The following GPC6 variants were observed in gnomAD, a reference collection of about 807,000 sequenced individuals.
GPC6 encodes the protein glypican 6.
A neutral mutation model predicts 55.2 loss-of-function variants in GPC6; 14 were observed. The observed-to-expected ratio is 0.25, with a 90% CI of 0.17 to 0.40. The LOEUF is 0.40. GPC6 is among the 10% of genes least tolerant of loss of function. The pLI, the probability that GPC6 is intolerant of heterozygous loss-of-function variation, is 1.00. For synonymous variants in GPC6, 278 were observed against 259.6 expected (o/e 1.07, Z -0.68); for missense variants, 641 against 708.5 (o/e 0.90, Z 1.08).
At chr13:93,335,866 G>A (rs942424609) in intron 1 of GPC6, among the ~76,000 whole-genome samples, 2 of 152,252 alleles carry the variant, frequency 1.3e-5, no homozygotes, top group African/African-American at 4.8e-5. Flanking sequence ...TTACTTATCA[G>A]CAAACAAATC....
intron 6 of GPC6, among the ~76,000 whole-genome samples, chr13:94,320,983 A>G (rs1379364962): frequency 1.3e-5 from 2 of 152,178 alleles, no homozygotes; most frequent in Non-Finnish European, 2.9e-5. Context: ...TGCATGTCAC[A>G]AAGGTTTAGT....
intron 1 of GPC6, among the ~76,000 whole-genome samples, chr13:93,276,497 T>A (rs9556275): frequency 0.051 from 3,273 of 63,908 alleles, 24 homozygotes; most frequent in Admixed American, 0.11. Context: ...AGAGAGAGAG[T>A]GTGTGTGTGT....
intron 2 of GPC6, among the ~76,000 whole-genome samples, chr13:93,761,097 A>G (rs1884938684): frequency 6.6e-6 from 1 of 152,156 alleles, no homozygotes; most frequent in African/African-American, 2.4e-5. Context: ...ATTTTCATTA[A>G]CCTTTTTTTC....
intron 6 of GPC6, among the ~76,000 whole-genome samples, chr13:94,354,454 GATAAA>G (rs951202072): frequency 2.0e-4 from 30 of 152,248 alleles, no homozygotes; most frequent in Non-Finnish European, 3.8e-4. Flanking sequence ...ATGAGATACT[GATAAA>G]ATAAAGTGCT....
intron 2 of GPC6, among the ~76,000 whole-genome samples, chr13:93,558,761 C>T (rs1049425010): frequency 6.6e-6 from 1 of 152,132 alleles, no homozygotes; most frequent in Non-Finnish European, 1.5e-5. Flanking sequence ...CCCTGTTGAA[C>T]AACGACTAAC....
chr13:93,902,236 G>A (rs1876401224), intron 3 of GPC6, among the ~76,000 whole-genome samples: 1 of 151,776 alleles, frequency 6.6e-6, no homozygotes, highest in Non-Finnish European at 1.5e-5. Flanking sequence ...CCCCTCCTCA[G>A]CCTCTGTTCT....
At chr13:94,236,266 T>A (rs2139019365) in intron 4 of GPC6, among the ~76,000 whole-genome samples, 2 of 152,276 alleles carry the variant, frequency 1.3e-5, no homozygotes, top group South Asian at 4.1e-4. Context: ...TCTGAGAGAT[T>A]AGTTGACGGA....
At chr13:94,226,598 C>T (rs1890566544) in intron 4 of GPC6, among the ~76,000 whole-genome samples, 1 of 152,102 alleles carries the variant, frequency 6.6e-6, no homozygotes, top group Admixed American at 6.6e-5. Context: ...CTTCATTCAG[C>T]TATTGAATTC....
chr13:94,199,267 A>G (rs1480209852), intron 4 of GPC6, among the ~76,000 whole-genome samples: 1 of 152,216 alleles, frequency 6.6e-6, no homozygotes, highest in Non-Finnish European at 1.5e-5. Context: ...TATATTGCTG[A>G]GTCATTGACT....
intron 8 of GPC6, among the ~76,000 whole-genome samples, chr13:94,399,763 G>A (rs556262734): frequency 5.3e-5 from 8 of 152,206 alleles, no homozygotes; most frequent in East Asian, 1.9e-4. Flanking sequence ...CCCAATGGAC[G>A]TTATGGCTGT....
intron 8 of GPC6, 139 bp downstream of exon 8, chr13:94,398,780 C>T: frequency 1.3e-6 from 1 of 749,708 alleles, no homozygotes; most frequent in Admixed American, 2.1e-5. Flanking sequence ...TTGTTATAGT[C>T]TTTTGGACAG....
chr13:94,321,444 G>C (rs1429230378), intron 6 of GPC6, among the ~76,000 whole-genome samples: 1 of 152,146 alleles, frequency 6.6e-6, no homozygotes, highest in Non-Finnish European at 1.5e-5. Flanking sequence ...TAATGGGATT[G>C]CTGGGTCAAA....
chr13:93,850,712 G>A (rs1888361364), intron 3 of GPC6, among the ~76,000 whole-genome samples: 2 of 151,924 alleles, frequency 1.3e-5, no homozygotes, highest in African/African-American at 2.4e-5. Flanking sequence ...GTAATCCAGA[G>A]CTCGTTAGAC....
intron 1 of GPC6, among the ~76,000 whole-genome samples, chr13:93,272,635 A>G (rs1208064377): frequency 6.6e-6 from 1 of 152,024 alleles, no homozygotes; most frequent in Non-Finnish European, 1.5e-5. Flanking sequence ...TTCATGTAAG[A>G]TATCAGAGTG....
intron 6 of GPC6, among the ~76,000 whole-genome samples, chr13:94,321,265 C>T (rs1046512804): frequency 4.6e-5 from 7 of 152,106 alleles, no homozygotes; most frequent in South Asian, 2.1e-4. Flanking sequence ...TTTATGGCTG[C>T]GTAGTATTTC....
intron 1 of GPC6, among the ~76,000 whole-genome samples, chr13:93,379,306 CATAA>C (rs149514471): frequency 0.11 from 16,797 of 152,108 alleles, 1,069 homozygotes; most frequent in South Asian, 0.24. Flanking sequence ...GGCTATACAT[CATAA>C]ATACTTTTAT....
chr13:94,396,995 G>A (rs578030116), intron 7 of GPC6, among the ~76,000 whole-genome samples: 5 of 152,158 alleles, frequency 3.3e-5, no homozygotes, highest in African/African-American at 1.2e-4. Flanking sequence ...TAGATTTGCT[G>A]TTGGGCTGAA....
chr13:93,952,281 A>T (rs546973321), intron 3 of GPC6, among the ~76,000 whole-genome samples: 15 of 152,184 alleles, frequency 9.9e-5, no homozygotes, highest in Non-Finnish European at 1.8e-4. Context: ...TTTCAAGATG[A>T]TAATCAAAAT....
chr13:93,498,276 A>T (rs999019735), intron 1 of GPC6, among the ~76,000 whole-genome samples: 1 of 152,136 alleles, frequency 6.6e-6, no homozygotes, highest in Non-Finnish European at 1.5e-5. Context: ...CCTGCTAGTC[A>T]CTTGGGCTGC....
Sources: gnomAD v4.1 joint callset for allele counts (sites outside exome capture counted in the v4.1 genomes callset) on GRCh38, gnomAD v4.1.1 for gene constraint, MANE v1.5 for transcripts, NCBI Gene and HGNC (gene_info 2026-07-23, HGNC 2026-07-21) for gene names.